FREM1: variants seen among roughly 807,000 people sequenced by gnomAD.
FREM1 encodes the protein FRAS1 related extracellular matrix 1.
In FREM1, 220 loss-of-function variants were observed where a neutral mutation model predicts 210.1. The ratio of observed to expected loss-of-function variants is 1.05; its 90% CI spans 0.94 to 1.17. The LOEUF (loss-of-function observed/expected upper bound fraction) is 1.17. Among genes scored for constraint, FREM1 ranks in the 50% most tolerant of loss-of-function variants. The pLI is 0.00. For missense variants in FREM1, 3,454 were observed against 2,675.5 expected, an observed-to-expected ratio of 1.29 and a Z score of -6.42; for synonymous variants, 1,189 against 980.2, an observed-to-expected ratio of 1.21 and a Z score of -3.98.
rs1822272426 is a variant in FREM1 at position 14,825,561 on chromosome 9, A to ATATATG, written c.1882-570_1882-569insCATATA. ...TGTGTGTGTGTGTATATATATATAT[A>ATATATG]TATATATATACCACAATTATAGTGA... is the stretch of plus-strand genomic sequence containing the variant. On this transcript the variant is annotated intron_variant, in intron 10 of 36. Coordinates refer to ENST00000380880, the MANE Select transcript of FREM1 (RefSeq NM_001379081.2). Among the ~76,000 whole-genome samples the ATATATG allele has an allele frequency of 6.0e-4, 77 of 129,252 alleles. 3 individuals are homozygous for ATATATG. Among genetic ancestry groups the ATATATG allele is most frequent in the Middle Eastern group, 7.6e-3 (2 of 262 alleles). The allele number at this position is 129,252 out of a possible 152,430, so 84.8% of individuals were successfully genotyped here. A position where few individuals can be genotyped will look rare whatever the true frequency, so the allele number is the denominator to read the frequency against.
At chr9:14,822,605 A>G (rs145251850) in intron 13 of FREM1, among the ~76,000 whole-genome samples, 1 of 152,338 alleles carries the variant, frequency 6.6e-6, no homozygotes, top group Non-Finnish European at 1.5e-5. Flanking sequence ...CATACTCTCA[A>G]TGCAAATCCC....
At chr9:14,890,163 G>T (rs901628554) in intron 1 of FREM1, among the ~76,000 whole-genome samples, 4 of 152,348 alleles carry the variant, frequency 2.6e-5, no homozygotes, top group African/African-American at 7.2e-5. Context: ...AATTCCTCCA[G>T]TTCAAAATAT....
chr9:14,857,258 A>G (rs957085203), intron 5 of FREM1, among the ~76,000 whole-genome samples: 1 of 152,318 alleles, frequency 6.6e-6, no homozygotes, highest in East Asian at 1.9e-4. Context: ...GCTGAAGAGT[A>G]TTGGGAGTAA....
chr9:14,842,609 C>A lies in FREM1; in HGVS notation c.1445G>T (p.Arg482Leu), dbSNP rs373753929. ...GGAGTCGCTGTCATCATGATGATAG[C>A]GAACAACTCCAGCCTGGAGGTCAGC... ...TVADLQAGVVRYHHDDSDSTK... is the reference protein window; with the variant it reads ...TVADLQAGVVLYHHDDSDSTK... The change falls in exon 9 of 37, where the codon CGC becomes CTC. Residue 482 changes from arginine (R) to leucine (L), a missense_variant. Arg to Leu is a moderately radical substitution (Grantham distance 102). Transcript: ENST00000380880. 3.7e-6 allele frequency: 6 copies of A among 1,613,816 alleles called. No individual in the cohort carries two copies. Among genetic ancestry groups the A allele is most frequent in the Non-Finnish European group, 5.1e-6 (6 of 1,179,884 alleles).
intron 2 of FREM1, among the ~76,000 whole-genome samples, chr9:14,868,340 C>T (rs1055391861): frequency 1.3e-5 from 2 of 149,698 alleles, no homozygotes; most frequent in Non-Finnish European, 2.9e-5. Flanking sequence ...TAAGGTCAAG[C>T]AGCTGGTGAG....
In FREM1 at chr9:14,861,268, C is replaced by CACATATATACATATACACATATAT. The variant is rs1830429094; in HGVS notation, c.330-1785_330-1784insATATATGTGTATATGTATATATGT. Among the ~76,000 whole-genome samples, 10 of 88,474 alleles carry CACATATATACATATACACATATAT rather than the reference C, an allele frequency of 1.1e-4. 2 individuals are homozygous for CACATATATACATATACACATATAT. The highest frequency in any genetic ancestry group is 6.3e-4 in the Admixed American group (5 of 7,968). 58.0% of individuals were successfully genotyped at this position (88,474 alleles called of 152,430 possible). A position where few individuals can be genotyped will look rare whatever the true frequency, so the allele number is the denominator to read the frequency against. ...ACATATATACATATATACACATATA[C>CACATATATACATATACACATATAT]ACATATATACATATATACATATATA... On this transcript the variant is annotated intron_variant, in intron 3 of 36. Coordinates refer to ENST00000380880, the MANE Select transcript of FREM1 (RefSeq NM_001379081.2).
Position 14,797,522 on chromosome 9 carries a change from T to C in FREM1, c.3815A>G (p.Asn1272Ser). Residue 1272 changes from asparagine (N) to serine (S), a missense_variant, in exon 21 of 37, where the codon AAT becomes AGT. By Grantham distance (46) the Asn-to-Ser change is conservative (BLOSUM62 1). Coordinates refer to ENST00000380880, the MANE Select transcript of FREM1 (RefSeq NM_001379081.2). Reference sequence around the variant, plus strand: ...CTTGCTCAGCATTGGTTTTTCATCATTAACTGGGATGACCTCTACTGAAAT... The same window carrying C: ...CTTGCTCAGCATTGGTTTTTCATCACTAACTGGGATGACCTCTACTGAAAT... Reference protein sequence around the residue: ...KTISVEVIPVNDEKPMLSKKA... With the variant: ...KTISVEVIPVSDEKPMLSKKA... The C allele has an allele frequency of 6.2e-7, 1 of 1,609,888 alleles. No individual in the cohort carries two copies. The highest frequency in any genetic ancestry group is 1.3e-5 in the African/African-American group (1 of 74,934).
intron 7 of FREM1, among the ~76,000 whole-genome samples, chr9:14,847,616 G>A (rs1195149880): frequency 6.6e-6 from 1 of 152,098 alleles, no homozygotes; most frequent in Middle Eastern, 3.2e-3. Flanking sequence ...ATTAACATTG[G>A]TTATATCTTC....
intron 22 of FREM1, among the ~76,000 whole-genome samples, chr9:14,789,611 G>A (rs1316636166): frequency 6.6e-6 from 1 of 152,096 alleles, no homozygotes; most frequent in East Asian, 1.9e-4. Flanking sequence ...TTACTCCCCA[G>A]TATGTTTCCA....
intron 15 of FREM1, among the ~76,000 whole-genome samples, chr9:14,814,855 C>T (rs980522011): frequency 6.6e-6 from 1 of 152,164 alleles, no homozygotes; most frequent in Non-Finnish European, 1.5e-5. Flanking sequence ...AAAGACCATC[C>T]TCTTGTGTTT....
chr9:14,784,737 T>TA, intron 23 of FREM1, 103 bp from the exon 24 acceptor site: 2 of 725,310 alleles, frequency 2.8e-6, no homozygotes, highest in East Asian at 5.8e-5. Flanking sequence ...AAATCAAAAT[T>TA]AATACGACAT....
At chr9:14,773,192 A>T (rs947614806) in intron 25 of FREM1, among the ~76,000 whole-genome samples, 2 of 152,188 alleles carry the variant, frequency 1.3e-5, no homozygotes, top group Non-Finnish European at 2.9e-5. Flanking sequence ...TTTCTCGCTC[A>T]CCTGACCCCT....
chr9:14,847,613 T>C (rs1352715424), intron 7 of FREM1, among the ~76,000 whole-genome samples: 2 of 151,964 alleles, frequency 1.3e-5, no homozygotes, highest in Admixed American at 1.3e-4. Flanking sequence ...AATATTAACA[T>C]TGGTTATATC....
chr9:14,862,364 T>C (rs1830743751), intron 3 of FREM1, among the ~76,000 whole-genome samples: 1 of 152,136 alleles, frequency 6.6e-6, no homozygotes, highest in South Asian at 2.1e-4. Flanking sequence ...CACCAACATA[T>C]CTAACCAAAT....
intron 3 of FREM1, among the ~76,000 whole-genome samples, chr9:14,861,118 T>TAC (rs1206091901): frequency 2.0e-5 from 2 of 99,896 alleles, no homozygotes; most frequent in African/African-American, 1.0e-4. Flanking sequence ...CACATATATA[T>TAC]ACATATATAC....
intron 1 of FREM1, among the ~76,000 whole-genome samples, chr9:14,885,679 C>T (rs1362466201): frequency 6.6e-6 from 1 of 151,996 alleles, no homozygotes; most frequent in Non-Finnish European, 1.5e-5. Context: ...ATCTTAGCCT[C>T]CCAAAGTTCT....
At chr9:14,822,689 C>A (rs564773598) in intron 13 of FREM1, among the ~76,000 whole-genome samples, 31 of 152,294 alleles carry the variant, frequency 2.0e-4, no homozygotes, top group African/African-American at 7.2e-4. Flanking sequence ...CAAGTCCTTT[C>A]AGGCTTACAC....
chr9:14,868,704 C>T (rs1170769352), intron 2 of FREM1, 40 bp downstream of exon 2: 2 of 1,281,496 alleles, frequency 1.6e-6, no homozygotes, highest in Admixed American at 3.8e-5. Context: ...CACTTGCATT[C>T]ATACACACGA....
chr9:14,895,000 T>C (rs1382003256), intron 1 of FREM1, among the ~76,000 whole-genome samples: 1 of 152,216 alleles, frequency 6.6e-6, no homozygotes, highest in African/African-American at 2.4e-5. Context: ...ACAGTTTCTG[T>C]ACAGGGTTCC....
Sources: gnomAD v4.1 joint callset for allele counts (sites outside exome capture counted in the v4.1 genomes callset) on GRCh38, gnomAD v4.1.1 for gene constraint, MANE v1.5 for transcripts, NCBI Gene and HGNC (gene_info 2026-07-23, HGNC 2026-07-21) for gene names.